The following RGS6 variants were observed in gnomAD, a reference collection of about 807,000 sequenced individuals.
The protein encoded by RGS6 is regulator of G-protein signaling 6.
A neutral mutation model predicts 78.5 loss-of-function variants in RGS6; 30 were observed. That is an observed-to-expected ratio of 0.38 (90% confidence interval 0.29 to 0.52). The LOEUF is 0.52. RGS6 is among the 20% of genes least tolerant of loss of function. The pLI, the probability that RGS6 is intolerant of heterozygous loss-of-function variation, is 0.85. For missense variants in RGS6, 495 were observed against 609.7 expected (o/e 0.81, Z 1.98); for synonymous variants, 206 against 206.0 (o/e 1.00, Z 0.00).
chr14:72,453,071 G>A (rs765204666), intron 3 of RGS6, among the ~76,000 whole-genome samples: 11 of 152,310 alleles, frequency 7.2e-5, no homozygotes, highest in East Asian at 1.9e-4. Flanking sequence ...AAGGGCTGTC[G>A]CACAGAGTGG....
intron 2 of RGS6, among the ~76,000 whole-genome samples, chr14:72,275,631 C>A (rs1023035841): frequency 6.6e-6 from 1 of 152,204 alleles, no homozygotes; most frequent in Non-Finnish European, 1.5e-5. Context: ...TCTATAGCAT[C>A]TATTGGCATA....
intron 3 of RGS6, among the ~76,000 whole-genome samples, chr14:72,365,210 T>C (rs946667616): frequency 6.6e-6 from 1 of 152,198 alleles, no homozygotes; most frequent in African/African-American, 2.4e-5. Context: ...AAAAAGAATG[T>C]ACTTGCCAAA....
At chr14:72,619,352 T>C in the RGS6 span, 13 of 1,536,014 alleles carry the variant, frequency 8.5e-6, no homozygotes, top group Admixed American at 5.9e-5. Context: ...CCAGCATAAG[T>C]GGCAGCTCCA....
intron 2 of RGS6, among the ~76,000 whole-genome samples, chr14:72,208,213 G>A (rs1205629441): frequency 1.3e-5 from 2 of 152,210 alleles, no homozygotes; most frequent in Non-Finnish European, 2.9e-5. Context: ...CTCTAGGCAT[G>A]TGCATAATGC....
chr14:72,029,673 G>T (rs879630428), intron 2 of RGS6, among the ~76,000 whole-genome samples: 46 of 152,136 alleles, frequency 3.0e-4, no homozygotes, highest in Admixed American at 7.2e-4. Context: ...CCAAAGCAAT[G>T]CCTGGTAGAA....
At chr14:72,604,000 A>G in the RGS6 span, among the ~76,000 whole-genome samples, 1 of 152,202 alleles carries the variant, frequency 6.6e-6, no homozygotes, top group Non-Finnish European at 1.5e-5. Context: ...GAGTAATAGT[A>G]TAGTTTAACA....
chr14:72,400,368 C>T (rs569803277), intron 3 of RGS6, among the ~76,000 whole-genome samples: 2 of 152,162 alleles, frequency 1.3e-5, no homozygotes, highest in Admixed American at 1.3e-4. Flanking sequence ...CAGTGAACTT[C>T]GAGCAATGAA....
chr14:72,179,829 C>G (rs897039351), intron 2 of RGS6, among the ~76,000 whole-genome samples: 2 of 152,160 alleles, frequency 1.3e-5, no homozygotes, highest in Non-Finnish European at 2.9e-5. Flanking sequence ...CACCCCAGAC[C>G]TACTGAATCA....
intron 2 of RGS6, among the ~76,000 whole-genome samples, chr14:72,069,979 C>A (rs1453357826): frequency 1.3e-5 from 2 of 152,176 alleles, no homozygotes; most frequent in East Asian, 1.9e-4. Context: ...ATTCTTTAGA[C>A]CTTCCTTAAC....
At chr14:72,059,579 C>T (rs1174366284) in intron 2 of RGS6, among the ~76,000 whole-genome samples, 1 of 152,098 alleles carries the variant, frequency 6.6e-6, no homozygotes, top group Non-Finnish European at 1.5e-5. Flanking sequence ...TCGCTGCCAC[C>T]CAGTTAAGGC....
chr14:72,498,271 C>T (rs2096671191), intron 13 of RGS6, among the ~76,000 whole-genome samples: 1 of 152,132 alleles, frequency 6.6e-6, no homozygotes, highest in Non-Finnish European at 1.5e-5. Context: ...TTCATATCTC[C>T]TCTCTATTTC....
At chr14:71,875,560 G>A in the RGS6 span, among the ~76,000 whole-genome samples, 42 of 151,988 alleles carry the variant, frequency 2.8e-4, 1 homozygote, top group South Asian at 7.3e-3. Flanking sequence ...TCTTGCTAGC[G>A]GTCTATCAAT....
chr14:72,203,482 G>A (rs2042033298), intron 2 of RGS6, among the ~76,000 whole-genome samples: 1 of 152,230 alleles, frequency 6.6e-6, no homozygotes, highest in Non-Finnish European at 1.5e-5. Flanking sequence ...CAAGGCTGCA[G>A]TCATCTCAAA....
the RGS6 span, among the ~76,000 whole-genome samples, chr14:71,868,339 G>A: frequency 3.3e-5 from 5 of 152,136 alleles, no homozygotes; most frequent in Non-Finnish European, 5.9e-5. Context: ...AAGAGCTATG[G>A]GCTTAAACTG....
At chr14:71,925,093 T>A in the RGS6 span, among the ~76,000 whole-genome samples, 1 of 152,364 alleles carries the variant, frequency 6.6e-6, no homozygotes, top group East Asian at 1.9e-4. Flanking sequence ...TTTGTCTTTT[T>A]TTATGATAGC....
At chr14:72,075,653 C>G (rs182778373) in intron 2 of RGS6, among the ~76,000 whole-genome samples, 194 of 152,196 alleles carry the variant, frequency 1.3e-3, no homozygotes, top group Admixed American at 2.2e-3. Context: ...TTGTTATTTA[C>G]TTGTACAGTT....
chr14:72,078,498 C>T (rs956624366), intron 2 of RGS6, among the ~76,000 whole-genome samples: 5 of 152,148 alleles, frequency 3.3e-5, no homozygotes, highest in African/African-American at 1.2e-4. Flanking sequence ...ACTGCAACCT[C>T]CGCCTCCCAG....
At chr14:71,877,474 C>T in the RGS6 span, among the ~76,000 whole-genome samples, 11 of 152,350 alleles carry the variant, frequency 7.2e-5, no homozygotes, top group South Asian at 2.1e-4. Context: ...GAATCGACTA[C>T]TGAAGCTTGT....
intron 3 of RGS6, among the ~76,000 whole-genome samples, chr14:72,409,400 T>A (rs909557927): frequency 2.0e-5 from 3 of 152,162 alleles, no homozygotes; most frequent in African/African-American, 7.2e-5. Context: ...AGGTTTCTGA[T>A]GGTAACTTCT....
Sources: gnomAD v4.1 joint callset for allele counts (sites outside exome capture counted in the v4.1 genomes callset) on GRCh38, gnomAD v4.1.1 for gene constraint, MANE v1.5 for transcripts, NCBI Gene and HGNC (gene_info 2026-07-23, HGNC 2026-07-21) for gene names.